ACTA2: variants seen among roughly 807,000 people sequenced by gnomAD.
ACTA2 encodes the protein actin, aortic smooth muscle.
In ACTA2, 12 loss-of-function variants were observed where a neutral mutation model predicts 39.5. The observed-to-expected ratio is 0.30, with a 90% confidence interval of 0.19 to 0.49. The LOEUF (loss-of-function observed/expected upper bound fraction) is 0.49, where lower values mean the gene tolerates loss of function less well. Ranked by LOEUF, ACTA2 falls within the 20% of genes least tolerant of loss-of-function variation. The probability of loss-of-function intolerance (pLI) is 0.99; values close to 1 mark genes in which losing one functional copy is unlikely to be tolerated. For missense variants in ACTA2, 236 were observed against 498.8 expected, an observed-to-expected ratio of 0.47 and a Z score of 5.02; for synonymous variants, 158 against 180.6, an observed-to-expected ratio of 0.88 and a Z score of 1.00.
Position 88,990,514 on chromosome 10 carries a change from C to A in ACTA2, c.-24+425G>T, listed in dbSNP as rs536413795. On this transcript the variant is annotated intron_variant, in intron 1 of 4. Coordinates refer to the ACTA2 transcript ENST00000415557. This position sits in a 1 kb window ranked among gnomAD's most constrained non-coding sequence, Gnocchi z 4.9. ...CAACGAACCCTGACTCCTTCCTCAC[C>A]CTGACTTCTCCCCCTCCCTACCCGC... is the stretch of plus-strand genomic sequence containing the variant. 5.0e-6 allele frequency: 3 copies of A among 595,404 alleles called. No individual in the cohort carries two copies. The highest frequency in any genetic ancestry group is 6.9e-5 in the East Asian group (2 of 29,012). 36.9% of individuals were successfully genotyped at this position (595,404 alleles called of 1,614,324 possible).
At chr10:88,983,876 A>C (rs1363718027) in intron 1 of ACTA2, among the ~76,000 whole-genome samples, 1 of 152,228 alleles carries the variant, frequency 6.6e-6, no homozygotes, top group African/African-American at 2.4e-5. Flanking sequence ...ATGCCTGCTT[A>C]GTGTCTTTCC....
intron 1 of ACTA2, among the ~76,000 whole-genome samples, chr10:88,983,819 T>C (rs941915326): frequency 6.6e-6 from 1 of 152,140 alleles, no homozygotes; most frequent in Non-Finnish European, 1.5e-5. Flanking sequence ...GATAAACCCA[T>C]TGAATGACTT....
intron 1 of ACTA2, among the ~76,000 whole-genome samples, chr10:88,970,120 TA>T (rs1287273599): frequency 6.6e-6 from 1 of 152,198 alleles, no homozygotes; most frequent in Non-Finnish European, 1.5e-5. Context: ...CCCTTATACT[TA>T]ATGTTAAAAT....
chr10:88,939,483 A>G (rs1157228767), intron 7 of ACTA2, 24 bp downstream of exon 7: 1 of 1,612,156 alleles, frequency 6.2e-7, no homozygotes, highest in South Asian at 1.1e-5. Flanking sequence ...TCCCCTTCCC[A>G]GGAAAAGGGC....
chr10:88,939,074 C>T (rs1479011731), intron 7 of ACTA2, among the ~76,000 whole-genome samples: 1 of 152,076 alleles, frequency 6.6e-6, no homozygotes, highest in East Asian at 1.9e-4. Flanking sequence ...CCAGGCTCAC[C>T]CCTCTCAGAG....
chr10:88,938,438 A>C, intron 7 of ACTA2, 196 bp from the exon 8 acceptor site: 1 of 623,550 alleles, frequency 1.6e-6, no homozygotes, highest in Non-Finnish European at 2.9e-6. Flanking sequence ...TCTAATGAGG[A>C]AGGCCTGCTG....
chr10:88,961,528 A>T (rs1408641370), intron 1 of ACTA2, among the ~76,000 whole-genome samples: 2 of 152,144 alleles, frequency 1.3e-5, no homozygotes, highest in African/African-American at 2.4e-5. Flanking sequence ...GAAGAGTGTG[A>T]TGCTTTTCTT....
chr10:88,978,495 C>T (rs533300199), intron 1 of ACTA2, among the ~76,000 whole-genome samples: 1 of 152,288 alleles, frequency 6.6e-6, no homozygotes, highest in South Asian at 2.1e-4. Flanking sequence ...ACTGTGAATA[C>T]ATTTGTTGTA....
chr10:88,976,353 T>TATAATTAATAACATA (rs1221715786), intron 1 of ACTA2, among the ~76,000 whole-genome samples: 1 of 152,224 alleles, frequency 6.6e-6, no homozygotes, highest in Non-Finnish European at 1.5e-5. Flanking sequence ...AATTAATATA[T>TATAATTAATAACATA]TGATATTATC....
At chr10:88,980,319 T>A (rs1030311760) in intron 1 of ACTA2, among the ~76,000 whole-genome samples, 3 of 152,194 alleles carry the variant, frequency 2.0e-5, no homozygotes, top group Non-Finnish European at 4.4e-5. Context: ...TCTTTGAAGC[T>A]AGGGGACCTG....
At chr10:88,987,731 A>G (rs890742533) in intron 1 of ACTA2, among the ~76,000 whole-genome samples, 1 of 152,226 alleles carries the variant, frequency 6.6e-6, no homozygotes, top group African/African-American at 2.4e-5. Context: ...CATATACCCA[A>G]GCCCTGGGAT....
intron 1 of ACTA2, among the ~76,000 whole-genome samples, chr10:88,965,529 G>A (rs1025998470): frequency 2.0e-5 from 3 of 152,092 alleles, no homozygotes; most frequent in Non-Finnish European, 2.9e-5. Context: ...AGCAGCACGC[G>A]GCTGCCTAGT....
intron 1 of ACTA2, among the ~76,000 whole-genome samples, chr10:88,988,418 T>G (rs1245469950): frequency 1.9e-4 from 1 of 5,402 alleles, no homozygotes; most frequent in African/African-American, 1.7e-3. Flanking sequence ...ATGTAGAAGT[T>G]TTTTTTTTTT....
intron 1 of ACTA2, among the ~76,000 whole-genome samples, chr10:88,983,988 T>C (rs1589428883): frequency 6.6e-6 from 1 of 152,084 alleles, no homozygotes; most frequent in Admixed American, 6.5e-5. Flanking sequence ...AAAAACTCTT[T>C]AGATGCATGC....
At chr10:88,985,358 A>G (rs901184023) in intron 1 of ACTA2, among the ~76,000 whole-genome samples, 9 of 152,200 alleles carry the variant, frequency 5.9e-5, no homozygotes, top group Non-Finnish European at 1.0e-4. Flanking sequence ...CAGATTATCC[A>G]AATCAAAACT....
chr10:88,953,095 A>G (rs1489547265), upstream of ACTA2, among the ~76,000 whole-genome samples: 1 of 152,256 alleles, frequency 6.6e-6, no homozygotes, highest in African/African-American at 2.4e-5. Flanking sequence ...TGCACATTCC[A>G]CAGAGGATGC....
chr10:88,989,423 G>T, intron 1 of ACTA2: 1 of 521,632 alleles, frequency 1.9e-6, no homozygotes, highest in Non-Finnish European at 3.8e-6. Context: ...TACAGAGAAT[G>T]CCCATATACC....
At chr10:88,948,710 T>G in intron 2 of ACTA2, 92 bp downstream of exon 2, 8 of 1,571,696 alleles carry the variant, frequency 5.1e-6, no homozygotes, top group Non-Finnish European at 7.0e-6. Context: ...ACATAACTTC[T>G]GGGCAGAAAG....
chr10:88,935,553 C>T, intron 8 of ACTA2, 187 bp from the exon 9 acceptor site: 1 of 605,236 alleles, frequency 1.7e-6, no homozygotes, highest in Non-Finnish European at 2.9e-6. Flanking sequence ...CAGAGGGAGC[C>T]ATGGATTTAG....
Sources: allele counts gnomAD v4.1 joint callset (sites outside exome capture counted in the v4.1 genomes callset), GRCh38; gene constraint gnomAD v4.1.1; non-coding constraint Gnocchi (gnomAD v3.1); transcripts MANE v1.5; gene names NCBI Gene and HGNC (gene_info 2026-07-23, HGNC 2026-07-21).